EFHB: variants seen among roughly 807,000 people sequenced by gnomAD.
EFHB encodes EF-hand domain family member B, also known as EF-hand domain-containing family member B.
Under a neutral mutation model 87.2 loss-of-function variants are expected in EFHB, and 91 were observed. The observed-to-expected ratio is 1.04, with a 90% confidence interval of 0.88 to 1.24. The LOEUF (loss-of-function observed/expected upper bound fraction) is 1.24, where lower values mean the gene tolerates loss of function less well. Among genes scored for constraint, EFHB ranks in the 50% most tolerant of loss-of-function variants. The pLI, the probability that EFHB is intolerant of heterozygous loss-of-function variation, is 0.00. For missense variants in EFHB, 1,084 were observed against 998.8 expected (o/e 1.09, Z -1.15); for synonymous variants, 325 against 333.6 (o/e 0.97, Z 0.28).
At chr3:19,940,514 G>A in intron 1 of EFHB, 1 of 506,568 alleles carries the variant, frequency 2.0e-6, no homozygotes, top group South Asian at 1.4e-5. Flanking sequence ...TTGCCTTGAA[G>A]TTTCTCATCT....
At position 19,919,851 on chromosome 3, in the gene EFHB, T is replaced by C. The variant is rs765345840; in HGVS notation, c.978A>G (p.Arg326=). ...AACTTACCAGTACTGAAATTTTAGA[T>C]CTAATTCCATGTGTCAAATAAGGTG... ...QIAPYLTHGI[R]SKISVLANTL... Residue 326 remains arginine, a synonymous_variant, in exon 3 of 13, where the codon AGA becomes AGG. Coordinates refer to ENST00000295824, the MANE Select transcript of EFHB (RefSeq NM_144715.4). 3 of 1,613,106 alleles carry C rather than the reference T, an allele frequency of 1.9e-6. No individual in the cohort carries two copies. Among genetic ancestry groups the C allele is most frequent in the Non-Finnish European group, 2.5e-6 (3 of 1,179,394 alleles).
At chr3:19,916,233 G>A (rs1429550299) in intron 4 of EFHB, among the ~76,000 whole-genome samples, 2 of 152,132 alleles carry the variant, frequency 1.3e-5, no homozygotes, top group African/African-American at 4.8e-5. Context: ...TGTATTCCCA[G>A]GCTGGGCTCA....
At chr3:19,925,012 G>A (rs958801811) in intron 1 of EFHB, among the ~76,000 whole-genome samples, 4 of 152,080 alleles carry the variant, frequency 2.6e-5, no homozygotes, top group Admixed American at 2.0e-4. Flanking sequence ...TTGGGAAGCC[G>A]AGGTGGGCGG....
chr3:19,925,847 A>G (rs1288607134), intron 1 of EFHB, among the ~76,000 whole-genome samples: 1 of 152,186 alleles, frequency 6.6e-6, no homozygotes, highest in Non-Finnish European at 1.5e-5. Flanking sequence ...TAATGGTTAC[A>G]GCTCTCCCAC....
chr3:19,902,542 A>C (rs1432344775), intron 6 of EFHB, among the ~76,000 whole-genome samples: 2 of 151,928 alleles, frequency 1.3e-5, no homozygotes, highest in Non-Finnish European at 2.9e-5. Flanking sequence ...TTTAGTAGAG[A>C]CAGGGCTTCA....
chr3:19,941,956 AC>A (rs1443316432), intron 1 of EFHB, among the ~76,000 whole-genome samples: 1 of 151,738 alleles, frequency 6.6e-6, no homozygotes, highest in Non-Finnish European at 1.5e-5. Flanking sequence ...GGTGTTTGAG[AC>A]CAGCCTGGCC....
chr3:19,892,001 G>A (rs954548030), intron 9 of EFHB, among the ~76,000 whole-genome samples: 4 of 152,120 alleles, frequency 2.6e-5, no homozygotes, highest in Non-Finnish European at 5.9e-5. Flanking sequence ...TGACTACAGT[G>A]AACCTCTGAC....
At chr3:19,940,494 A>C (rs1323705409) in intron 1 of EFHB, 2 of 505,710 alleles carry the variant, frequency 4.0e-6, no homozygotes, top group Non-Finnish European at 7.9e-6. Flanking sequence ...GTTTGTCTTC[A>C]TCGTGAATCT....
Position 19,879,693 on chromosome 3 carries a change from T to C in EFHB, c.2440A>G (p.Ile814Val). ...HHRGEVCVEN[I>V]RNVLDELRHA... is the part of the protein sequence containing the mutation. ...CGTAGCTCATCTAGAACATTTCTGA[T>C]GTTCTCAACACAAACTTCTCCTCTG... Residue 814 changes from isoleucine to valine, a missense_variant, in exon 13 of 13, where the codon ATC becomes GTC. Physicochemically the swap from Ile to Val is conservative, Grantham distance 29 (BLOSUM62 3). Transcript: ENST00000295824. 6.2e-7 allele frequency: 1 copy of C among 1,610,460 alleles called. No homozygotes were observed. The highest frequency in any genetic ancestry group is 8.5e-7 in the Non-Finnish European group (1 of 1,179,080).
intron 1 of EFHB, among the ~76,000 whole-genome samples, chr3:19,926,299 A>C (rs1258982443): frequency 6.6e-6 from 1 of 151,852 alleles, no homozygotes; most frequent in African/African-American, 2.4e-5. Context: ...ATGTGGCCCC[A>C]GCGTTTATTT....
At chr3:19,940,595 C>A in intron 1 of EFHB, 3 of 488,110 alleles carry the variant, frequency 6.1e-6, no homozygotes, top group East Asian at 5.7e-5. Flanking sequence ...CTCTGCTTCT[C>A]ATCTTCAGCT....
intron 12 of EFHB, among the ~76,000 whole-genome samples, chr3:19,881,773 G>C (rs532462301): frequency 7.2e-5 from 11 of 152,196 alleles, no homozygotes; most frequent in African/African-American, 2.6e-4. Flanking sequence ...GACATCGTAT[G>C]TCTTTTCCTT....
chr3:19,887,728 G>A (rs1694155696), intron 10 of EFHB, among the ~76,000 whole-genome samples: 1 of 152,190 alleles, frequency 6.6e-6, no homozygotes, highest in Non-Finnish European at 1.5e-5. Context: ...ATTCAAAGCT[G>A]TCTTGAACCA....
intron 1 of EFHB, among the ~76,000 whole-genome samples, chr3:19,944,286 T>C (rs7434271): frequency 0.15 from 22,245 of 152,224 alleles, 1,740 homozygotes; most frequent in South Asian, 0.21. Flanking sequence ...ATCCTGTGAA[T>C]GGTAGAGAGA....
At chr3:19,918,887 G>A (rs1436921738) in intron 3 of EFHB, among the ~76,000 whole-genome samples, 1 of 150,586 alleles carries the variant, frequency 6.6e-6, no homozygotes, top group Non-Finnish European at 1.5e-5. Flanking sequence ...GTCTGAGGCA[G>A]GAGAATGGCT....
chr3:19,895,568 A>G (rs73043900), intron 9 of EFHB, among the ~76,000 whole-genome samples: 33 of 152,288 alleles, frequency 2.2e-4, no homozygotes, highest in Non-Finnish European at 4.6e-4. Flanking sequence ...TTACATTTAA[A>G]ATGAAGAATT....
In EFHB at chr3:19,915,287, A is replaced by G. The variant is rs765009835; in HGVS notation, c.1288+16T>C. On this transcript the variant is annotated intron_variant, in intron 5 of 12. Transcript: ENST00000295824. ...TCCCATATCCTCAGGCCCATTTTGCATCGGAGGACACTTACCTGCATAATA... is the reference window on the plus strand; with the variant it reads ...TCCCATATCCTCAGGCCCATTTTGCGTCGGAGGACACTTACCTGCATAATA... 8 of 1,570,998 alleles carry G rather than the reference A, an allele frequency of 5.1e-6. No individual in the cohort carries two copies. The highest frequency in any genetic ancestry group is 3.4e-5 in the Admixed American group (2 of 58,506).
intron 1 of EFHB, among the ~76,000 whole-genome samples, chr3:19,940,092 T>C (rs189515574): frequency 1.3e-5 from 2 of 152,256 alleles, no homozygotes; most frequent in Admixed American, 1.3e-4. Context: ...TTACTTTCTA[T>C]GTACTTCTTT....
chr3:19,916,331 A>G (rs771499552), intron 4 of EFHB, among the ~76,000 whole-genome samples: 4 of 152,052 alleles, frequency 2.6e-5, no homozygotes, highest in Non-Finnish European at 4.4e-5. Flanking sequence ...CCTGAGCAAC[A>G]TGGTGAAACC....
Sources: allele counts gnomAD v4.1 joint callset (sites outside exome capture counted in the v4.1 genomes callset), GRCh38; gene constraint gnomAD v4.1.1; transcripts MANE v1.5; gene names NCBI Gene and HGNC (gene_info 2026-07-23, HGNC 2026-07-21).